The following TRAPPC9 variants were observed in gnomAD, a reference collection of about 807,000 sequenced individuals.
The protein encoded by TRAPPC9 is trafficking protein particle complex subunit 9.
Under a neutral mutation model 124.0 loss-of-function variants are expected in TRAPPC9, and 83 were observed. The ratio of observed to expected loss-of-function variants is 0.67; its 90% confidence interval spans 0.56 to 0.80. The LOEUF (loss-of-function observed/expected upper bound fraction) is 0.80, where lower values mean the gene tolerates loss of function less well. Among genes scored for constraint, TRAPPC9 ranks in the 30% least tolerant of loss-of-function variants. The probability of loss-of-function intolerance (pLI) is 0.00; values close to 1 mark genes in which losing one functional copy is unlikely to be tolerated. For missense variants in TRAPPC9, 1,302 were observed against 1,508.3 expected, an observed-to-expected ratio of 0.86 and a Z score of 2.27; for synonymous variants, 638 against 617.5, an observed-to-expected ratio of 1.03 and a Z score of -0.49.
At chr8:139,767,978 C>G (rs1232942558) in intron 21 of TRAPPC9, among the ~76,000 whole-genome samples, 1 of 152,210 alleles carries the variant, frequency 6.6e-6, no homozygotes, top group Non-Finnish European at 1.5e-5. Flanking sequence ...CCCTTTGACT[C>G]AGGGTCTATT....
chr8:140,187,441 C>T (rs569790845), intron 17 of TRAPPC9, among the ~76,000 whole-genome samples: 1 of 152,322 alleles, frequency 6.6e-6, no homozygotes, highest in East Asian at 1.9e-4. Context: ...GTAGCTGCTT[C>T]CGAGGGTCCC....
chr8:140,159,166 T>TAGA (rs1177817574), intron 17 of TRAPPC9, among the ~76,000 whole-genome samples: 13 of 152,202 alleles, frequency 8.5e-5, no homozygotes, highest in African/African-American at 2.9e-4. Flanking sequence ...GCAAGTCTCT[T>TAGA]CCTCTGCCTT....
At chr8:139,753,073 T>TATCCATCCATCC (rs138670884) in intron 21 of TRAPPC9, among the ~76,000 whole-genome samples, 1 of 123,862 alleles carries the variant, frequency 8.1e-6, no homozygotes, top group African/African-American at 3.2e-5. Context: ...CCCACCCATC[T>TATCCATCCATCC]ATCCATCCAT....
intron 6 of TRAPPC9, among the ~76,000 whole-genome samples, chr8:140,402,813 T>C (rs934493807): frequency 5.3e-5 from 8 of 152,044 alleles, no homozygotes; most frequent in Admixed American, 2.0e-4. Context: ...AAAGTTAATA[T>C]GTGAAAGTAT....
intron 17 of TRAPPC9, among the ~76,000 whole-genome samples, chr8:140,092,062 A>C (rs2130191534): frequency 7.3e-6 from 1 of 137,246 alleles, no homozygotes; most frequent in African/African-American, 2.8e-5. Flanking sequence ...CACTTAGCCA[A>C]TTTCCAAGCA....
In TRAPPC9 at chr8:139,793,781, C is replaced by T. The variant is rs145744724; in HGVS notation, c.3056-61579G>A. 3.9e-3 allele frequency among the ~76,000 whole-genome samples: 592 copies of T among 152,304 alleles called. 3 individuals are homozygous for T. The highest frequency in any genetic ancestry group is 8.1e-3 in the African/African-American group (337 of 41,566). ...TCCACATGGAGACCCAGATCCACAT[C>T]CAACTTGAGCAGCTCCAGACAGTGG... is the stretch of plus-strand genomic sequence containing the variant. On this transcript the variant is annotated intron_variant, in intron 21 of 22. Coordinates refer to ENST00000438773, the MANE Select transcript of TRAPPC9 (RefSeq NM_001160372.4).
At chr8:140,091,953 C>A (rs866202003) in intron 17 of TRAPPC9, among the ~76,000 whole-genome samples, 3 of 151,756 alleles carry the variant, frequency 2.0e-5, no homozygotes, top group Non-Finnish European at 2.9e-5. Flanking sequence ...GGCCCCACAG[C>A]GACCCTTCGA....
intron 21 of TRAPPC9, among the ~76,000 whole-genome samples, chr8:139,827,066 G>A (rs1274915487): frequency 6.6e-6 from 1 of 152,244 alleles, no homozygotes; most frequent in African/African-American, 2.4e-5. Flanking sequence ...ATAGCCATCA[G>A]GTGGAAACCC....
chr8:140,317,965 A>G (rs879385606), intron 9 of TRAPPC9, among the ~76,000 whole-genome samples: 3 of 152,238 alleles, frequency 2.0e-5, no homozygotes, highest in Admixed American at 6.5e-5. Context: ...ATGGATTGGT[A>G]TCAAATGTCA....
chr8:140,439,611 C>T (rs1369140562), intron 2 of TRAPPC9, among the ~76,000 whole-genome samples: 3 of 152,184 alleles, frequency 2.0e-5, no homozygotes, highest in Admixed American at 6.5e-5. Context: ...TATTAGCCAA[C>T]CATTTGGCTT....
At chr8:140,177,885 T>C (rs547123228) in intron 17 of TRAPPC9, among the ~76,000 whole-genome samples, 11 of 152,150 alleles carry the variant, frequency 7.2e-5, no homozygotes, top group Non-Finnish European at 1.5e-4. Context: ...TTTTCTTAAA[T>C]TTATCCCCAA....
At chr8:140,284,676 A>G (rs577804286) in intron 13 of TRAPPC9, among the ~76,000 whole-genome samples, 1 of 152,334 alleles carries the variant, frequency 6.6e-6, no homozygotes, top group East Asian at 1.9e-4. Flanking sequence ...ACAAAATTAA[A>G]CAATACCCCA....
intron 17 of TRAPPC9, among the ~76,000 whole-genome samples, chr8:140,203,562 C>T (rs145713970): frequency 7.2e-5 from 11 of 152,262 alleles, no homozygotes; most frequent in African/African-American, 1.2e-4. Flanking sequence ...GTGAGGACTT[C>T]GGAACTTCAC....
At chr8:140,278,008 C>T (rs1309067768) in intron 14 of TRAPPC9, among the ~76,000 whole-genome samples, 4 of 152,226 alleles carry the variant, frequency 2.6e-5, no homozygotes, top group African/African-American at 7.2e-5. Flanking sequence ...AAGCTTGGCA[C>T]GCCTGTGTCC....
At chr8:140,350,326 A>C (rs909000892) in intron 9 of TRAPPC9, among the ~76,000 whole-genome samples, 9 of 152,222 alleles carry the variant, frequency 5.9e-5, no homozygotes, top group Admixed American at 5.9e-4. Context: ...GCCCATGACA[A>C]GATGAGTGAC....
chr8:140,192,065 C>T (rs2062504497), intron 17 of TRAPPC9, among the ~76,000 whole-genome samples: 1 of 152,216 alleles, frequency 6.6e-6, no homozygotes, highest in Non-Finnish European at 1.5e-5. Context: ...TATCCCTTCT[C>T]TTGTTTATAA....
At chr8:139,833,196 G>C (rs1372482996) in intron 21 of TRAPPC9, among the ~76,000 whole-genome samples, 1 of 152,196 alleles carries the variant, frequency 6.6e-6, no homozygotes, top group Non-Finnish European at 1.5e-5. Flanking sequence ...TCCCTGATGA[G>C]AACCCAGTCT....
intron 17 of TRAPPC9, among the ~76,000 whole-genome samples, chr8:140,142,379 G>A (rs1422178870): frequency 2.0e-5 from 3 of 152,226 alleles, no homozygotes; most frequent in African/African-American, 7.2e-5. Context: ...AACAGAAAGG[G>A]CAGCCATGTG....
chr8:139,757,357 G>A (rs1372740522), intron 21 of TRAPPC9, among the ~76,000 whole-genome samples: 1 of 147,600 alleles, frequency 6.8e-6, no homozygotes, highest in Non-Finnish European at 1.5e-5. Context: ...GTCGCAGGAG[G>A]AGCCAGCGTT....
Sources: gnomAD v4.1 joint callset for allele counts (sites outside exome capture counted in the v4.1 genomes callset) on GRCh38, gnomAD v4.1.1 for gene constraint, MANE v1.5 for transcripts, NCBI Gene and HGNC (gene_info 2026-07-23, HGNC 2026-07-21) for gene names.